The following SMIM22 variants were observed in gnomAD, a reference collection of about 807,000 sequenced individuals.
SMIM22 encodes cancer associated small integral membrane open reading frame 1.
Under a neutral mutation model 8.4 loss-of-function variants are expected in SMIM22, and 16 were observed. The ratio of observed to expected loss-of-function variants is 1.90; its 90% confidence interval spans 1.29 to 2.89. The LOEUF (loss-of-function observed/expected upper bound fraction) is 2.89. Among genes scored for constraint, SMIM22 ranks in the 30% most tolerant of loss-of-function variants. The pLI is 0.00. For synonymous variants in SMIM22, 67 were observed against 47.6 expected (o/e 1.41, Z -1.68); for missense variants, 159 against 107.5 (o/e 1.48, Z -2.12).
chr16:4,793,690 A>G (rs563922526), upstream of SMIM22, among the ~76,000 whole-genome samples: 1 of 152,308 alleles, frequency 6.6e-6, no homozygotes, highest in African/African-American at 2.4e-5. Flanking sequence ...TCACATCTCT[A>G]TTGGACATGT....
chr16:4,792,229 C>T (rs375684399), upstream of SMIM22, among the ~76,000 whole-genome samples: 15 of 151,606 alleles, frequency 9.9e-5, no homozygotes, highest in East Asian at 1.4e-3. Flanking sequence ...CTCGCTCTGT[C>T]GCCCAGGCTG....
At chr16:4,790,671 G>A (rs111597725), upstream of SMIM22, among the ~76,000 whole-genome samples, 1 of 152,090 alleles carries the variant, frequency 6.6e-6, no homozygotes, top group African/African-American at 2.4e-5. Context: ...ACCTGTAGTC[G>A]CAGCTACTTG....
chr16:4,792,432 T>C (rs551962637), upstream of SMIM22, among the ~76,000 whole-genome samples: 953 of 150,308 alleles, frequency 6.3e-3, 11 homozygotes, highest in African/African-American at 0.019. Context: ...CCTCGTGATC[T>C]GCCCCCCTCG....
At chr16:4,789,245 C>T (rs537153544) in intron 2 of SMIM22, among the ~76,000 whole-genome samples, 1 of 152,308 alleles carries the variant, frequency 6.6e-6, no homozygotes, top group African/African-American at 2.4e-5. Context: ...CTTCTGACCT[C>T]AAGTGATCCA....
At chr16:4,795,651 C>A in intron 1 of SMIM22, 64 bp from the exon 2 acceptor site, 1 of 1,494,776 alleles carries the variant, frequency 6.7e-7, no homozygotes. Context: ...TGTGGGAAGC[C>A]TGGATGTGGT....
chr16:4,788,446 G>A (rs2082495957), upstream of SMIM22: 1 of 152,386 alleles, frequency 6.6e-6, no homozygotes, highest in South Asian at 2.1e-4. Context: ...AGGAGCAGGA[G>A]CTGTTACCCT....
chr16:4,795,629 C>A, intron 1 of SMIM22, 86 bp from the exon 2 acceptor site: 1 of 1,445,202 alleles, frequency 6.9e-7, no homozygotes, highest in Non-Finnish European at 9.2e-7. Flanking sequence ...CAGGAGCGGG[C>A]AGTGGCTGGG....
upstream of SMIM22, among the ~76,000 whole-genome samples, chr16:4,791,039 G>C (rs1177330831): frequency 6.6e-6 from 1 of 152,224 alleles, no homozygotes; most frequent in Admixed American, 6.5e-5. Context: ...ATGGTGACGT[G>C]TGGACTGCGT....
upstream of SMIM22, among the ~76,000 whole-genome samples, chr16:4,792,406 G>A (rs2082565384): frequency 1.3e-5 from 2 of 150,048 alleles, no homozygotes; most frequent in Admixed American, 6.6e-5. Context: ...TAGCCAGGAT[G>A]GTCTCGATCT....
At chr16:4,795,649 G>T (rs2141899768) in intron 1 of SMIM22, 66 bp from the exon 2 acceptor site, 2 of 1,492,588 alleles carry the variant, frequency 1.3e-6, no homozygotes, top group Middle Eastern at 4.8e-4. Flanking sequence ...GCTGTGGGAA[G>T]CCTGGATGTG....
chr16:4,794,823 T>C (rs932504899), upstream of SMIM22: 7 of 152,262 alleles, frequency 4.6e-5, no homozygotes, highest in African/African-American at 1.7e-4. Context: ...CCTTCCAAAG[T>C]GGTGGGATTA....
chr16:4,793,980 G>C (rs1045395348), upstream of SMIM22, among the ~76,000 whole-genome samples: 1 of 151,964 alleles, frequency 6.6e-6, no homozygotes, highest in Non-Finnish European at 1.5e-5. Flanking sequence ...CTGTCACCCA[G>C]GCGGGTGTGC....
chr16:4,796,198 C>T lies in SMIM22; in HGVS notation c.234C>T (p.Pro78=). 1 of 1,536,004 alleles carries T rather than the reference C, an allele frequency of 6.5e-7. No homozygotes were observed. Among genetic ancestry groups the T allele is most frequent in the Admixed American group, 2.0e-5 (1 of 50,988 alleles). The part of the protein sequence containing the change: ...PRKVSPWKER[P]KGVDNLALEP ...CTGTGCTTCTCGTGCAGGAAAGACCCAAGGGAGTGGATAACTTGGCCCTGG... is the reference window on the plus strand; with the variant it reads ...CTGTGCTTCTCGTGCAGGAAAGACCTAAGGGAGTGGATAACTTGGCCCTGG... Residue 78 remains proline (P), a synonymous_variant, in exon 4 of 4, where the codon CCC becomes CCT. Transcript: ENST00000586005.
At chr16:4,793,738 C>A (rs1192695167), upstream of SMIM22, among the ~76,000 whole-genome samples, 1 of 152,120 alleles carries the variant, frequency 6.6e-6, no homozygotes, top group Non-Finnish European at 1.5e-5. Flanking sequence ...TACAATGTAA[C>A]AATTATTTAC....
chr16:4,795,028 T>C (rs531526439), upstream of SMIM22: 6 of 152,600 alleles, frequency 3.9e-5, no homozygotes, highest in East Asian at 5.8e-4. Context: ...AGGACAACTC[T>C]ATGATGCAGG....
At chr16:4,789,950 T>C (rs2082526271) in intron 2 of SMIM22, 1 of 151,794 alleles carries the variant, frequency 6.6e-6, no homozygotes, top group Non-Finnish European at 1.5e-5. Context: ...GGTCTCACTT[T>C]GTCACCCAAG....
upstream of SMIM22, among the ~76,000 whole-genome samples, chr16:4,791,601 G>C (rs531527345): frequency 6.6e-6 from 1 of 152,166 alleles, no homozygotes; most frequent in Admixed American, 6.6e-5. Context: ...CCTGGGTCCA[G>C]AAGTCTGACT....
chr16:4,789,105 G>C (rs879783644), intron 2 of SMIM22, among the ~76,000 whole-genome samples: 2 of 152,064 alleles, frequency 1.3e-5, no homozygotes, highest in African/African-American at 4.8e-5. Flanking sequence ...TGCAACCTCC[G>C]CCTCCTGGGT....
upstream of SMIM22, among the ~76,000 whole-genome samples, chr16:4,791,403 T>C (rs922913837): frequency 1.3e-5 from 2 of 152,192 alleles, no homozygotes; most frequent in Non-Finnish European, 2.9e-5. Flanking sequence ...CAGTGCACGT[T>C]TCTGTGAGCC....
Sources: allele counts gnomAD v4.1 joint callset (sites outside exome capture counted in the v4.1 genomes callset), GRCh38; gene constraint gnomAD v4.1.1; transcripts MANE v1.5; gene names NCBI Gene and HGNC (gene_info 2026-07-23, HGNC 2026-07-21).